Variants in FLNB observed in about 807,000 individuals in gnomAD.
FLNB encodes the protein filamin-B.
In FLNB, 111 loss-of-function variants were observed where a neutral mutation model predicts 250.6. The ratio of observed to expected loss-of-function variants is 0.44; its 90% CI spans 0.38 to 0.52. The LOEUF (loss-of-function observed/expected upper bound fraction) is 0.52. Among genes scored for constraint, FLNB ranks in the 20% least tolerant of loss-of-function variants. FLNB has a pLI of 0.00. For missense variants in FLNB, 2,869 were observed against 3,447.8 expected (o/e 0.83, Z 4.20); for synonymous variants, 1,302 against 1,372.1 (o/e 0.95, Z 1.13).
At position 58,170,753 on chromosome 3, in the gene FLNB, A is replaced by G; in HGVS notation, c.7800A>G (p.Thr2600=). ...EHIPGSPFHV[T]VP ...TCCCTGGCAGCCCTTTTCATGTCAC[A>G]GTGCCTTAAAACAGTTTTCTCAAAT... Residue 2600 remains threonine (T), a synonymous_variant, in exon 46 of 46, where the codon ACA becomes ACG. Coordinates refer to ENST00000295956, the MANE Select transcript of FLNB (RefSeq NM_001457.4). The G allele has an allele frequency of 4.3e-6, 7 of 1,614,060 alleles. No individual in the cohort carries two copies. Among genetic ancestry groups the G allele is most frequent in the Non-Finnish European group, 5.9e-6 (7 of 1,179,940 alleles).
Position 58,123,539 on chromosome 3 carries a change from G to T in FLNB, c.3573G>T (p.Ala1191=). Residue 1191 remains alanine, a synonymous_variant, in exon 21 of 46, where the codon GCG becomes GCT. Coordinates refer to ENST00000295956, the MANE Select transcript of FLNB (RefSeq NM_001457.4). ...SIQNNKDGTY[A]VTYVPLTAGM... ...AGAACAACAAAGATGGCACCTACGC[G>T]GTGACCTACGTGCCCCTGACGGCCG... 1 of 1,607,396 alleles carries T rather than the reference G, an allele frequency of 6.2e-7. No homozygotes were observed. The highest frequency in any genetic ancestry group is 8.5e-7 in the Non-Finnish European group (1 of 1,176,858).
rs776569061 is a variant in FLNB, at chr3:58,146,018, C to T, written c.5523C>T (p.Thr1841=). ...LVYGVANKTA[T]FTIVTEDAGE... ...ATGGAGTGGCCAACAAAACTGCCAC[C>T]TTCACCATCGTCACAGAGGATGCAG... is the stretch of plus-strand genomic sequence containing the variant. The change falls in exon 33 of 46, where the codon ACC becomes ACT. Residue 1841 remains threonine, a synonymous_variant. Transcript: ENST00000295956. 6.2e-7 allele frequency: 1 copy of T among 1,614,198 alleles called. No homozygotes were observed. The highest frequency in any genetic ancestry group is 1.1e-5 in the South Asian group (1 of 91,088).
chr3:58,146,144 C>A, intron 33 of FLNB, 95 bp downstream of exon 33: 1 of 1,313,198 alleles, frequency 7.6e-7, no homozygotes, highest in Non-Finnish European at 1.1e-6. Flanking sequence ...GTGAGACAAT[C>A]GAATGGTAGT....
chr3:58,163,156 A>G lies in FLNB; in HGVS notation c.7024A>G (p.Lys2342Glu), dbSNP rs2097364482. 1 of 1,614,026 alleles carries G rather than the reference A, an allele frequency of 6.2e-7. No homozygotes were observed. The change falls in exon 43 of 46, where the codon AAG becomes GAG. Residue 2342 changes from lysine to glutamate, a missense_variant and splice_region_variant. By Grantham distance (56) the Lys-to-Glu change is moderately conservative. This residue lies in a region of FLNB where 1,084 missense variants were observed against 1,315.5 expected (regional missense o/e 0.82). Transcript: ENST00000295956. ...TGTGCCTTTGCTCATTCTCCTAGATAAGTATGCTGTTCGCTTCATCCCTCA... is the reference window on the plus strand; with the variant it reads ...TGTGCCTTTGCTCATTCTCCTAGATGAGTATGCTGTTCGCTTCATCCCTCA... ...ECHVSELEPD[K>E]YAVRFIPHEN...
At chr3:58,086,074 C>T (rs1212529354) in intron 4 of FLNB, among the ~76,000 whole-genome samples, 1 of 152,114 alleles carries the variant, frequency 6.6e-6, no homozygotes, top group East Asian at 1.9e-4. Context: ...CGGCTAACTG[C>T]AGCCTTGACC....
intron 4 of FLNB, among the ~76,000 whole-genome samples, chr3:58,093,184 A>G (rs562782669): frequency 2.0e-5 from 3 of 152,314 alleles, no homozygotes; most frequent in Non-Finnish European, 4.4e-5. Flanking sequence ...GAAGGATATG[A>G]TAGAGGATAC....
In FLNB at chr3:58,170,126, A is replaced by G. The variant is rs111447482; in HGVS notation, c.7621+333A>G. Among the ~76,000 whole-genome samples, 372 of 152,260 alleles carry G rather than the reference A, an allele frequency of 2.4e-3. 1 individual carries two copies. Among genetic ancestry groups the G allele is most frequent in the Non-Finnish European group, 4.2e-3 (283 of 68,026 alleles). The stretch of plus-strand genomic sequence containing the variant: ...AACTTATTTAGCCATGTGACCTTGG[A>G]AAGTTATTAAATCTCTTTCCAAAAG... On this transcript the variant is annotated intron_variant, in intron 45 of 45. Coordinates refer to ENST00000295956, the MANE Select transcript of FLNB (RefSeq NM_001457.4).
intron 1 of FLNB, among the ~76,000 whole-genome samples, chr3:58,045,765 T>C (rs1299288913): frequency 6.6e-6 from 1 of 152,284 alleles, no homozygotes; most frequent in African/African-American, 2.4e-5. Flanking sequence ...TCTGGGAGGC[T>C]GAGGCGGGTG....
intron 4 of FLNB, among the ~76,000 whole-genome samples, chr3:58,090,191 A>G (rs1220946743): frequency 2.6e-5 from 4 of 151,542 alleles, no homozygotes; most frequent in Non-Finnish European, 5.9e-5. Context: ...AGACTTACAC[A>G]GGGTCAGGAT....
intron 1 of FLNB, among the ~76,000 whole-genome samples, chr3:58,017,048 CCTAA>C (rs1441045977): frequency 6.6e-6 from 1 of 152,046 alleles, no homozygotes; most frequent in African/African-American, 2.4e-5. Context: ...TTTTAAGGTG[CCTAA>C]CTAACTTTTC....
Position 58,090,800 on chromosome 3 carries a change from G to A in FLNB, c.788-4036G>A, listed in dbSNP as rs1348390948. ...AGAAAATCAGTCAACAGCCTGGCTC[G>A]GTGGCTCACGCCTGTAATCCCAGCA... On this transcript the variant is annotated intron_variant, in intron 4 of 45. Transcript: ENST00000295956. 5.3e-5 allele frequency among the ~76,000 whole-genome samples: 8 copies of A among 152,174 alleles called. 1 individual carries two copies. The South Asian group carries it at 1.0e-3, about 20-fold the overall frequency.
At chr3:58,033,149 T>G (rs1275982180) in intron 1 of FLNB, among the ~76,000 whole-genome samples, 4 of 152,298 alleles carry the variant, frequency 2.6e-5, no homozygotes, top group African/African-American at 9.6e-5. Context: ...ACATTTTGAT[T>G]AGCTTATACA....
At chr3:58,039,059 G>A (rs1231892047) in intron 1 of FLNB, among the ~76,000 whole-genome samples, 1 of 145,400 alleles carries the variant, frequency 6.9e-6, no homozygotes, top group Non-Finnish European at 1.5e-5. Context: ...ACAAGATCTC[G>A]CTCTGTCACC....
intron 1 of FLNB, among the ~76,000 whole-genome samples, chr3:58,034,873 C>T (rs839233): frequency 0.72 from 109,258 of 151,990 alleles, 39,877 homozygotes; most frequent in East Asian, 0.95. Flanking sequence ...AGGAAGAAGG[C>T]GGGCCCTGAT....
intron 1 of FLNB, among the ~76,000 whole-genome samples, chr3:58,039,914 G>A (rs2097143676): frequency 1.3e-5 from 2 of 152,170 alleles, no homozygotes; most frequent in Non-Finnish European, 1.5e-5. Flanking sequence ...GGAAGCTGAG[G>A]TGGGCAGATC....
chr3:58,092,093 A>G (rs1463971852), intron 4 of FLNB, among the ~76,000 whole-genome samples: 1 of 152,266 alleles, frequency 6.6e-6, no homozygotes, highest in Non-Finnish European at 1.5e-5. Context: ...GGCAAAAGAC[A>G]TAAACAGTTT....
At chr3:58,021,675 T>C (rs2097114252) in intron 1 of FLNB, among the ~76,000 whole-genome samples, 1 of 152,158 alleles carries the variant, frequency 6.6e-6, no homozygotes, top group Non-Finnish European at 1.5e-5. Flanking sequence ...TAATTGTCTC[T>C]CCTATCCCTT....
chr3:58,152,574 C>T, intron 38 of FLNB: 1 of 268,826 alleles, frequency 3.7e-6, no homozygotes, highest in Middle Eastern at 5.0e-4. Flanking sequence ...CTAATTGCCT[C>T]CTCAAGGCCC....
chr3:58,015,909 G>C (rs557258611), intron 1 of FLNB, among the ~76,000 whole-genome samples: 99 of 152,246 alleles, frequency 6.5e-4, no homozygotes, highest in African/African-American at 2.2e-3. Context: ...CAGGCAAACA[G>C]ACATTTACAC....
Sources: gnomAD v4.1 joint callset for allele counts (sites outside exome capture counted in the v4.1 genomes callset) on GRCh38, gnomAD v4.1.1 for gene constraint, gnomAD v4.1.1 regional missense constraint, MANE v1.5 for transcripts, NCBI Gene and HGNC (gene_info 2026-07-23, HGNC 2026-07-21) for gene names.